ASIC2: variants seen among roughly 807,000 people sequenced by gnomAD.
ASIC2 encodes acid sensing ion channel subunit 2, also known as acid-sensing ion channel 2.
Under a neutral mutation model 57.3 loss-of-function variants are expected in ASIC2, and 25 were observed. The observed-to-expected ratio is 0.44, with a 90% CI of 0.32 to 0.61. The LOEUF is 0.61. ASIC2 is among the 20% of genes least tolerant of loss of function. The probability of loss-of-function intolerance (pLI) is 0.06; values close to 1 mark genes in which losing one functional copy is unlikely to be tolerated. For synonymous variants in ASIC2, 319 were observed against 307.5 expected, an observed-to-expected ratio of 1.04 and a Z score of -0.39; for missense variants, 641 against 738.1, an observed-to-expected ratio of 0.87 and a Z score of 1.52.
At chr17:33,914,876 C>T (rs1915550952) in intron 1 of ASIC2, among the ~76,000 whole-genome samples, 1 of 152,202 alleles carries the variant, frequency 6.6e-6, no homozygotes, top group Non-Finnish European at 1.5e-5. Flanking sequence ...GTTGATCGAT[C>T]AGGTGACAAG....
At chr17:33,744,079 C>T (rs1317443032) in intron 1 of ASIC2, among the ~76,000 whole-genome samples, 1 of 152,160 alleles carries the variant, frequency 6.6e-6, no homozygotes, top group Non-Finnish European at 1.5e-5. Flanking sequence ...AAGGAACTGA[C>T]TTTGTTTGAA....
chr17:34,003,624 T>C (rs931850489), intron 1 of ASIC2: 1 of 152,182 alleles, frequency 6.6e-6, no homozygotes, highest in African/African-American at 2.4e-5. Flanking sequence ...TTGCGTGTTT[T>C]CTTTTGTATA....
intron 1 of ASIC2, among the ~76,000 whole-genome samples, chr17:33,738,656 A>G (rs77297247): frequency 0.094 from 14,316 of 152,066 alleles, 680 homozygotes; most frequent in Admixed American, 0.099. Context: ...ACATCTACCA[A>G]TTGACCTACT....
At chr17:33,215,866 A>T (rs1450354892) in intron 1 of ASIC2, among the ~76,000 whole-genome samples, 1 of 152,020 alleles carries the variant, frequency 6.6e-6, no homozygotes, top group East Asian at 1.9e-4. Context: ...CGCCTGGCTA[A>T]TTTTTTGTAT....
At chr17:33,623,839 C>A (rs1257096832) in intron 1 of ASIC2, among the ~76,000 whole-genome samples, 1 of 152,012 alleles carries the variant, frequency 6.6e-6, no homozygotes, top group African/African-American at 2.4e-5. Flanking sequence ...ATAGTCCAAG[C>A]TGTATGTAGT....
chr17:33,544,344 T>C (rs542480214), intron 1 of ASIC2, among the ~76,000 whole-genome samples: 6 of 152,338 alleles, frequency 3.9e-5, no homozygotes, highest in African/African-American at 1.4e-4. Context: ...GAAGCTGCTA[T>C]GAACATTTGT....
chr17:33,299,286 C>G (rs888402763), intron 1 of ASIC2, among the ~76,000 whole-genome samples: 15 of 152,172 alleles, frequency 9.9e-5, no homozygotes, highest in Non-Finnish European at 1.8e-4. Context: ...ACCTTTCAGT[C>G]AATGCTACTG....
At chr17:33,889,344 G>A (rs1374366290) in intron 1 of ASIC2, among the ~76,000 whole-genome samples, 2 of 152,092 alleles carry the variant, frequency 1.3e-5, no homozygotes, top group African/African-American at 2.4e-5. Context: ...TGAGGGAAGT[G>A]AATTCTCTCC....
At chr17:33,618,789 A>G (rs1485257941) in intron 1 of ASIC2, among the ~76,000 whole-genome samples, 3 of 152,126 alleles carry the variant, frequency 2.0e-5, no homozygotes, top group East Asian at 3.9e-4. Flanking sequence ...ACCCTCACCA[A>G]TGCCCAAATA....
At chr17:33,471,723 T>C (rs183608527) in intron 1 of ASIC2, among the ~76,000 whole-genome samples, 5 of 152,318 alleles carry the variant, frequency 3.3e-5, no homozygotes, top group East Asian at 3.9e-4. Flanking sequence ...ACAAGAAATA[T>C]GTGTTAATTA....
intron 1 of ASIC2, among the ~76,000 whole-genome samples, chr17:33,712,838 GGTTTCACC>G (rs1909093252): frequency 6.6e-6 from 1 of 151,226 alleles, no homozygotes; most frequent in Non-Finnish European, 1.5e-5. Context: ...GTAGAGACGG[GGTTTCACC>G]GTTTTAGCCG....
At chr17:33,164,889 C>T (rs1232101211) in intron 1 of ASIC2, among the ~76,000 whole-genome samples, 1 of 152,184 alleles carries the variant, frequency 6.6e-6, no homozygotes, top group Non-Finnish European at 1.5e-5. Flanking sequence ...ACACTCCTAA[C>T]CTCCAACATG....
intron 1 of ASIC2, among the ~76,000 whole-genome samples, chr17:33,546,358 A>G (rs1915578698): frequency 6.6e-6 from 1 of 152,048 alleles, no homozygotes. Flanking sequence ...CTTCGATTGC[A>G]GCATCTTTTG....
At position 33,380,268 on chromosome 17, in the gene ASIC2, AG is replaced by A. The variant is rs376466920; in HGVS notation, c.556-268202del. On this transcript the variant is annotated intron_variant, in intron 1 of 9. Transcript: ENST00000359872. Reference sequence around the variant, plus strand: ...CTCAAAAAAAAAAAAAAAAAAAAAAAGAAAGAAAGAAAGAAAGAAAAAAAGA... The same window carrying A: ...CTCAAAAAAAAAAAAAAAAAAAAAAAAAAGAAAGAAAGAAAGAAAAAAAGA... Among the ~76,000 whole-genome samples the A allele has an allele frequency of 1.3e-3, 183 of 137,760 alleles. 1 individual carries two copies. Among genetic ancestry groups the A allele is most frequent in the African/African-American group, 4.2e-3 (157 of 37,656 alleles). The allele number at this position is 137,760 out of a possible 152,430, so 90.4% of individuals were successfully genotyped here.
chr17:34,101,002 T>C (rs936907312), intron 1 of ASIC2, among the ~76,000 whole-genome samples: 2 of 152,246 alleles, frequency 1.3e-5, no homozygotes, highest in African/African-American at 4.8e-5. Flanking sequence ...TTGATAATAA[T>C]AGAACCTACT....
At chr17:33,711,262 G>T (rs369123299) in intron 1 of ASIC2, among the ~76,000 whole-genome samples, 1 of 152,164 alleles carries the variant, frequency 6.6e-6, no homozygotes, top group African/African-American at 2.4e-5. Flanking sequence ...GTTCCAACCC[G>T]TGTTGGTCTG....
intron 1 of ASIC2, among the ~76,000 whole-genome samples, chr17:33,838,126 C>T (rs903917971): frequency 6.6e-6 from 1 of 152,150 alleles, no homozygotes; most frequent in Non-Finnish European, 1.5e-5. Context: ...ATGTATTTGT[C>T]TTCTTCTCCC....
At chr17:34,124,007 C>T (rs967483471) in intron 1 of ASIC2, among the ~76,000 whole-genome samples, 6 of 152,118 alleles carry the variant, frequency 3.9e-5, no homozygotes, top group African/African-American at 9.7e-5. Context: ...ACTTAAGCCT[C>T]GGAGGTGGAG....
At chr17:33,613,540 G>GTT (rs11420663) in intron 1 of ASIC2, among the ~76,000 whole-genome samples, 1 of 151,274 alleles carries the variant, frequency 6.6e-6, no homozygotes, top group African/African-American at 2.4e-5. Flanking sequence ...AATTTTTTGT[G>GTT]TTTTTTCTCG....
Sources: allele counts gnomAD v4.1 joint callset (sites outside exome capture counted in the v4.1 genomes callset), GRCh38; gene constraint gnomAD v4.1.1; transcripts MANE v1.5; gene names NCBI Gene and HGNC (gene_info 2026-07-23, HGNC 2026-07-21).